C1orf21: variants seen among roughly 807,000 people sequenced by gnomAD.
The protein encoded by C1orf21 is chromosome 1 open reading frame 21, also known as uncharacterized protein C1orf21.
C1orf21 carries 3 observed loss-of-function variants against 18.7 expected under a neutral mutation model. The ratio of observed to expected loss-of-function variants is 0.16; its 90% CI spans 0.07 to 0.42. The LOEUF is 0.42. Ranked by LOEUF, C1orf21 falls within the 10% of genes least tolerant of loss-of-function variation. The pLI, the probability that C1orf21 is intolerant of heterozygous loss-of-function variation, is 0.99. For synonymous variants in C1orf21, 41 were observed against 46.4 expected, an observed-to-expected ratio of 0.88 and a Z score of 0.47; for missense variants, 104 against 143.6, an observed-to-expected ratio of 0.72 and a Z score of 1.41.
chr1:184,621,737 C>T lies in C1orf21; in HGVS notation c.*2181C>T, dbSNP rs1277219438. ...TAACAGTTTTGACATGTTATACTTG[C>T]GCATAGATCCAAGCGTTTCTTGGGA... is the stretch of plus-strand genomic sequence containing the variant. On this transcript the variant is annotated 3_prime_UTR_variant, in exon 6 of 6. Transcript: ENST00000235307. The T allele has an allele frequency of 2.0e-5, 3 of 152,150 alleles. No homozygotes were observed. Among genetic ancestry groups the T allele is most frequent in the Non-Finnish European group, 4.4e-5 (3 of 68,030 alleles). 9.4% of individuals were successfully genotyped at this position (152,150 alleles called of 1,614,324 possible).
intron 2 of C1orf21, among the ~76,000 whole-genome samples, chr1:184,506,172 A>G (rs887446825): frequency 2.0e-4 from 30 of 151,958 alleles, no homozygotes; most frequent in African/African-American, 7.3e-4. Context: ...ATATCTTTAC[A>G]AAAAAATAGA....
chr1:184,460,761 G>A (rs1377622895), intron 1 of C1orf21, among the ~76,000 whole-genome samples: 1 of 142,458 alleles, frequency 7.0e-6, no homozygotes, highest in Non-Finnish European at 1.5e-5. Flanking sequence ...TGCCCAGGCT[G>A]GTCTCAAACT....
At chr1:184,553,180 T>G (rs1365738869) in intron 3 of C1orf21, among the ~76,000 whole-genome samples, 1 of 152,180 alleles carries the variant, frequency 6.6e-6, no homozygotes, top group Non-Finnish European at 1.5e-5. Context: ...GTATTTTTTT[T>G]GATTTTAGAA....
chr1:184,566,854 T>A (rs1659042008), intron 3 of C1orf21: 1 of 490,856 alleles, frequency 2.0e-6, no homozygotes, highest in African/African-American at 2.0e-5. Context: ...AAATGCTCGA[T>A]GGAGTCAATG....
At chr1:184,507,313 C>T (rs1486522103) in intron 2 of C1orf21, among the ~76,000 whole-genome samples, 1 of 152,096 alleles carries the variant, frequency 6.6e-6, no homozygotes, top group African/African-American at 2.4e-5. Flanking sequence ...ATCCTGTTTC[C>T]TCTGCAGCAT....
At chr1:184,564,311 C>CTTAG (rs1400204180) in intron 3 of C1orf21, among the ~76,000 whole-genome samples, 29 of 152,006 alleles carry the variant, frequency 1.9e-4, no homozygotes, top group African/African-American at 6.8e-4. Context: ...TCCTTATTTA[C>CTTAG]TTATTTATTT....
chr1:184,589,206 G>A (rs1659401677), intron 3 of C1orf21, among the ~76,000 whole-genome samples: 2 of 152,190 alleles, frequency 1.3e-5, no homozygotes, highest in Admixed American at 1.3e-4. Context: ...ATAAGGTCTT[G>A]TTCATTTTCA....
Position 184,402,938 on chromosome 1 carries a change from T to G in C1orf21, c.-125+15570T>G, listed in dbSNP as rs556350587. On this transcript the variant is annotated intron_variant, in intron 1 of 5. Transcript: ENST00000235307. ...AGAGTATAAGTTGTTAGAATAATTT[T>G]GAACAGACTATACCTTGTAAAGTGT... 8.5e-5 allele frequency among the ~76,000 whole-genome samples: 13 copies of G among 152,350 alleles called. No homozygotes were observed. In the South Asian group the frequency reaches 2.7e-3, roughly 32 times the overall value.
intron 3 of C1orf21, among the ~76,000 whole-genome samples, chr1:184,519,436 T>C (rs1571396447): frequency 1.3e-5 from 2 of 152,234 alleles, no homozygotes; most frequent in Admixed American, 6.5e-5. Context: ...CAAAGCTTGA[T>C]CCTGTTTGAT....
chr1:184,596,340 G>A (rs1170105853), intron 4 of C1orf21, among the ~76,000 whole-genome samples: 1 of 152,020 alleles, frequency 6.6e-6, no homozygotes, highest in East Asian at 1.9e-4. Context: ...TTCAGCAAGG[G>A]GTCATGAATC....
chr1:184,602,470 G>A (rs758507457), intron 5 of C1orf21, among the ~76,000 whole-genome samples: 35 of 152,074 alleles, frequency 2.3e-4, no homozygotes, highest in Non-Finnish European at 4.0e-4. Flanking sequence ...TCTAACCATC[G>A]TTATTCCACT....
chr1:184,473,018 G>A (rs985868749), intron 1 of C1orf21, among the ~76,000 whole-genome samples: 9 of 152,220 alleles, frequency 5.9e-5, no homozygotes, highest in African/African-American at 2.2e-4. Flanking sequence ...AATTAGGCTA[G>A]CTCATGGTAT....
intron 1 of C1orf21, among the ~76,000 whole-genome samples, chr1:184,428,503 C>T (rs1003392011): frequency 4.6e-5 from 7 of 152,138 alleles, no homozygotes; most frequent in South Asian, 2.1e-4. Context: ...ATGAAGAGGG[C>T]TGGTCACACT....
At chr1:184,485,482 G>A (rs1297406608) in intron 2 of C1orf21, among the ~76,000 whole-genome samples, 1 of 152,196 alleles carries the variant, frequency 6.6e-6, no homozygotes, top group East Asian at 1.9e-4. Context: ...TGACTGAGAG[G>A]TAGCAGTGGT....
intron 1 of C1orf21, among the ~76,000 whole-genome samples, chr1:184,429,949 A>G (rs1297122555): frequency 6.6e-6 from 1 of 151,952 alleles, no homozygotes; most frequent in Non-Finnish European, 1.5e-5. Context: ...TCTACTAAAA[A>G]TACAAAAACA....
chr1:184,592,611 C>T (rs1558010179), intron 4 of C1orf21, among the ~76,000 whole-genome samples: 2 of 152,190 alleles, frequency 1.3e-5, no homozygotes, highest in Non-Finnish European at 2.9e-5. Flanking sequence ...GACACTGGTA[C>T]ATTTGACACA....
At chr1:184,461,942 T>A (rs1657312822) in intron 1 of C1orf21, among the ~76,000 whole-genome samples, 1 of 152,156 alleles carries the variant, frequency 6.6e-6, no homozygotes, top group African/African-American at 2.4e-5. Context: ...TCTATTCTTT[T>A]AAAAAATGAA....
intron 1 of C1orf21, among the ~76,000 whole-genome samples, chr1:184,451,462 ATTTTT>A (rs374550435): frequency 1.3e-5 from 1 of 77,794 alleles, no homozygotes; most frequent in Non-Finnish European, 2.6e-5. Flanking sequence ...GGCTAATTTA[ATTTTT>A]TTTTTTTTTT....
intron 3 of C1orf21, among the ~76,000 whole-genome samples, chr1:184,559,998 C>T (rs921427343): frequency 5.3e-5 from 8 of 152,174 alleles, no homozygotes; most frequent in African/African-American, 1.2e-4. Context: ...GCAGTCATCC[C>T]GCCTTGACCT....
Sources: gnomAD v4.1 joint callset for allele counts (sites outside exome capture counted in the v4.1 genomes callset) on GRCh38, gnomAD v4.1.1 for gene constraint, MANE v1.5 for transcripts, NCBI Gene and HGNC (gene_info 2026-07-23, HGNC 2026-07-21) for gene names.